The following ITPKB variants were observed in gnomAD, a reference collection of about 807,000 sequenced individuals.
ITPKB encodes the protein inositol-trisphosphate 3-kinase B.
ITPKB carries 13 observed loss-of-function variants against 69.4 expected under a neutral mutation model. The ratio of observed to expected loss-of-function variants is 0.19; its 90% CI spans 0.12 to 0.30. The LOEUF (loss-of-function observed/expected upper bound fraction) is 0.30, where lower values mean the gene tolerates loss of function less well. ITPKB is among the 10% of genes least tolerant of loss of function. ITPKB has a pLI of 1.00. For missense variants in ITPKB, 1,240 were observed against 1,250.5 expected, an observed-to-expected ratio of 0.99 and a Z score of 0.13; for synonymous variants, 584 against 513.7, an observed-to-expected ratio of 1.14 and a Z score of -1.85.
chr1:226,717,565 CTCTGCA>C (rs1160716587), intron 2 of ITPKB, among the ~76,000 whole-genome samples: 1 of 152,192 alleles, frequency 6.6e-6, no homozygotes, highest in African/African-American at 2.4e-5. Flanking sequence ...CAAGGAGACA[CTCTGCA>C]TCTGCTTCTT....
chr1:226,634,680 T>C lies in ITPKB; in HGVS notation c.2832A>G (p.Pro944=). The change falls in exon 8 of 8, where the codon CCA becomes CCG. Residue 944 remains proline, a synonymous_variant. Transcript: ENST00000429204. The surrounding 1 kb of genome is among the most constrained non-coding windows in gnomAD (Gnocchi z 6.3). ...GGAGGGCGTGGGCAGCTCAGGCGAG[T>C]GGGGCATCCTGGGACATCTCGGTCA... is the stretch of plus-strand genomic sequence containing the variant. ...DILTEMSQDA[P]LA The C allele has an allele frequency of 1.2e-6, 1 of 825,550 alleles. No individual in the cohort carries two copies. The highest frequency in any genetic ancestry group is 1.3e-5 in the South Asian group (1 of 75,368). The allele number at this position is 825,550 out of a possible 1,614,324, so 51.1% of individuals were successfully genotyped here. A position where few individuals can be genotyped will look rare whatever the true frequency, so the allele number is the denominator to read the frequency against.
intron 2 of ITPKB, among the ~76,000 whole-genome samples, chr1:226,687,114 G>C (rs1486917958): frequency 6.6e-6 from 1 of 152,194 alleles, no homozygotes; most frequent in Non-Finnish European, 1.5e-5. Context: ...TTTGTAGTCA[G>C]TGAGCAAAAA....
intron 2 of ITPKB, 144 bp from the exon 3 acceptor site, chr1:226,648,915 C>A: frequency 1.5e-6 from 1 of 665,416 alleles, no homozygotes. Context: ...TTGCCACCAC[C>A]ATCACCTATG....
At chr1:226,666,230 G>GATCT (rs1270482138) in intron 2 of ITPKB, among the ~76,000 whole-genome samples, 3 of 152,168 alleles carry the variant, frequency 2.0e-5, no homozygotes, top group Non-Finnish European at 2.9e-5. Flanking sequence ...GGCACGGTGG[G>GATCT]ATCTGGTGCC....
intron 2 of ITPKB, among the ~76,000 whole-genome samples, chr1:226,732,545 GTT>G (rs61106601): frequency 2.9e-5 from 4 of 135,750 alleles, no homozygotes; most frequent in Non-Finnish European, 6.5e-5. Flanking sequence ...GCGTTCTTTT[GTT>G]TTTTTTTTTT....
At position 226,707,901 on chromosome 1, in the gene ITPKB, C is replaced by T. The variant is rs1466514750; in HGVS notation, c.1932+27626G>A. The T allele has an allele frequency of 3.8e-6, 5 of 1,332,282 alleles. No individual in the cohort carries two copies. The African/African-American group carries it at 4.6e-5, about 12-fold the overall frequency. The allele number at this position is 1,332,282 out of a possible 1,614,324, so 82.5% of individuals were successfully genotyped here. ...CCCAGCAGTACCACTGAGGGGAACA[C>T]TTCCCAAGAAGTCACTAAAGGGAGA... On this transcript the variant is annotated intron_variant, in intron 2 of 7. Coordinates refer to ENST00000429204, the MANE Select transcript of ITPKB (RefSeq NM_002221.4).
chr1:226,636,346 G>T lies in ITPKB; in HGVS notation c.2625+1333C>A, dbSNP rs188951289. Among the ~76,000 whole-genome samples, 5 of 152,342 alleles carry T rather than the reference G, an allele frequency of 3.3e-5. No individual in the cohort carries two copies. In the East Asian group the frequency reaches 9.6e-4, roughly 29 times the overall value. On this transcript the variant is annotated intron_variant, in intron 7 of 7. Coordinates refer to ENST00000429204, the MANE Select transcript of ITPKB (RefSeq NM_002221.4). ...AGCAAAGAACATTCCGAGAAGGACC[G>T]AGCTCCCTGCTAGGGGCACAGCAAA...
In ITPKB at chr1:226,666,764, T is replaced by C. The variant is rs541137404; in HGVS notation, c.1933-17993A>G. On this transcript the variant is annotated intron_variant, in intron 2 of 7. Coordinates refer to ENST00000429204, the MANE Select transcript of ITPKB (RefSeq NM_002221.4). ...ACTCTCCACTCATCAGCCTTGCAGA[T>C]CTTTCTAAAACATCAATCTGATCAT... 1.7e-3 allele frequency among the ~76,000 whole-genome samples: 256 copies of C among 152,298 alleles called. 2 individuals carry two copies. The highest frequency in any genetic ancestry group is 6.0e-3 in the African/African-American group (249 of 41,550).
chr1:226,697,981 T>G lies in ITPKB; in HGVS notation c.1932+37546A>C, dbSNP rs978298494. Among the ~76,000 whole-genome samples, 10 of 152,216 alleles carry G rather than the reference T, an allele frequency of 6.6e-5. No homozygotes were observed. In the South Asian group the frequency reaches 2.1e-3, roughly 32 times the overall value. On this transcript the variant is annotated intron_variant, in intron 2 of 7. Transcript: ENST00000429204. ...AGGCAGAGTCCTATGCACTGCACTC[T>G]CCAGACAGATGGAAGGACACTCCCC...
intron 2 of ITPKB, among the ~76,000 whole-genome samples, chr1:226,662,757 C>G (rs1007125418): frequency 2.0e-5 from 3 of 152,238 alleles, no homozygotes; most frequent in African/African-American, 7.2e-5. Context: ...TCAAGCTACA[C>G]TGGTGCAATT....
At chr1:226,689,008 AT>A (rs776829107) in intron 2 of ITPKB, among the ~76,000 whole-genome samples, 2 of 152,166 alleles carry the variant, frequency 1.3e-5, no homozygotes, top group African/African-American at 2.4e-5. Context: ...TCTTTAGAGT[AT>A]TCAGCAGATG....
chr1:226,691,348 G>A (rs1656347675), intron 2 of ITPKB, among the ~76,000 whole-genome samples: 1 of 152,002 alleles, frequency 6.6e-6, no homozygotes, highest in Admixed American at 6.6e-5. Flanking sequence ...TCTCTTCCCA[G>A]CCTCAGCCCA....
chr1:226,638,851 T>TTC (rs1180864148), intron 6 of ITPKB, among the ~76,000 whole-genome samples: 1 of 151,914 alleles, frequency 6.6e-6, no homozygotes, highest in Non-Finnish European at 1.5e-5. Flanking sequence ...GCGGGCACTG[T>TTC]TCTCTCTCTC....
chr1:226,662,177 G>T (rs1219313828), intron 2 of ITPKB, among the ~76,000 whole-genome samples: 1 of 152,162 alleles, frequency 6.6e-6, no homozygotes, highest in African/African-American at 2.4e-5. Flanking sequence ...TGTTCCCCGG[G>T]AGACTGAGCT....
intron 2 of ITPKB, among the ~76,000 whole-genome samples, chr1:226,675,685 A>G (rs1316427024): frequency 6.6e-6 from 1 of 152,198 alleles, no homozygotes; most frequent in Non-Finnish European, 1.5e-5. Context: ...TAAAACAGGG[A>G]TATTGTTTAC....
At chr1:226,639,773 G>A in intron 5 of ITPKB, 115 bp from the exon 6 acceptor site, 1 of 719,328 alleles carries the variant, frequency 1.4e-6, no homozygotes. Context: ...CTGGGGCAGG[G>A]CCAGTGGAGG....
intron 2 of ITPKB, among the ~76,000 whole-genome samples, chr1:226,716,943 A>T (rs2102640938): frequency 6.6e-6 from 1 of 152,290 alleles, no homozygotes; most frequent in South Asian, 2.1e-4. Context: ...ATACAAATTC[A>T]CCAAAGGAGA....
chr1:226,736,643 A>G lies in ITPKB; in HGVS notation c.816T>C (p.Ala272=), dbSNP rs768170687. ...GAGAGCCCCTTTTGTCAATTTCCAT[A>G]GCTGTGGGTGAGCCACAGCGGGGAC... ...PASPRCGSPT[A]MEIDKRGSPT... is the part of the protein sequence containing the mutation. The change falls in exon 2 of 8, where the codon GCT becomes GCC. Residue 272 remains alanine (A), a synonymous_variant. Coordinates refer to ENST00000429204, the MANE Select transcript of ITPKB (RefSeq NM_002221.4). 4 of 1,613,458 alleles carry G rather than the reference A, an allele frequency of 2.5e-6. No individual in the cohort carries two copies. The highest frequency in any genetic ancestry group is 1.7e-5 in the Admixed American group (1 of 60,030).
intron 2 of ITPKB, among the ~76,000 whole-genome samples, chr1:226,701,603 CAAAAAAAAAAA>C (rs58756019): frequency 2.2e-4 from 10 of 44,866 alleles, no homozygotes; most frequent in Admixed American, 3.2e-4. Context: ...GACTCCGTCT[CAAAAAAAAAAA>C]AAAAAAAAAA....
Sources: allele counts gnomAD v4.1 joint callset (sites outside exome capture counted in the v4.1 genomes callset), GRCh38; gene constraint gnomAD v4.1.1; non-coding constraint Gnocchi (gnomAD v3.1); transcripts MANE v1.5; gene names NCBI Gene and HGNC (gene_info 2026-07-23, HGNC 2026-07-21).